RBM47: variants seen among roughly 807,000 people sequenced by gnomAD.
The protein encoded by RBM47 is RNA binding motif protein 47, also known as RNA-binding protein 47.
In RBM47, 21 loss-of-function variants were observed where a neutral mutation model predicts 47.1. The observed-to-expected ratio is 0.45, with a 90% CI of 0.32 to 0.64. RBM47 has a LOEUF of 0.64. Ranked by LOEUF, RBM47 falls within the 30% of genes least tolerant of loss-of-function variation. The pLI is 0.05. For synonymous variants in RBM47, 375 were observed against 361.7 expected (o/e 1.04, Z -0.42); for missense variants, 708 against 870.9 (o/e 0.81, Z 2.35).
At chr4:40,454,961 T>C (rs1409812884) in intron 3 of RBM47, among the ~76,000 whole-genome samples, 1 of 151,990 alleles carries the variant, frequency 6.6e-6, no homozygotes. Context: ...TAGCCAGTGT[T>C]AACAGGATAA....
At chr4:40,557,519 T>C (rs527890710) in intron 1 of RBM47, among the ~76,000 whole-genome samples, 1 of 152,038 alleles carries the variant, frequency 6.6e-6, no homozygotes, top group African/African-American at 2.4e-5. Flanking sequence ...GAGTCTGAGG[T>C]GGGCGGATCA....
Position 40,432,882 on chromosome 4 carries a change from GA to G in RBM47, c.1331-21del. ...TGGCTACTGCAAGAGAAGCAAGAAG[GA>G]AAAACAGGTCAATCACTTTCAGTCG... On this transcript the variant is annotated intron_variant, in intron 5 of 6. Transcript: ENST00000295971. 1 of 1,611,388 alleles carries G rather than the reference GA, an allele frequency of 6.2e-7. No individual in the cohort carries two copies. The highest frequency in any genetic ancestry group is 1.7e-5 in the Admixed American group (1 of 59,048).
intron 2 of RBM47, among the ~76,000 whole-genome samples, chr4:40,495,120 G>A (rs563657797): frequency 2.0e-5 from 3 of 152,064 alleles, no homozygotes; most frequent in East Asian, 3.9e-4. Context: ...AAACTATTTT[G>A]GATTAGGTTT....
chr4:40,508,343 G>C (rs1480076128), intron 2 of RBM47, among the ~76,000 whole-genome samples: 1 of 152,198 alleles, frequency 6.6e-6, no homozygotes, highest in East Asian at 1.9e-4. Context: ...CCCAGAAACA[G>C]ACCTCTTTCC....
chr4:40,503,045 A>C (rs1723607756), intron 2 of RBM47, among the ~76,000 whole-genome samples: 1 of 152,026 alleles, frequency 6.6e-6, no homozygotes, highest in African/African-American at 2.4e-5. Context: ...AAGCCTGGAC[A>C]GACAGAGGAC....
chr4:40,470,999 T>A (rs1471463259), intron 2 of RBM47, among the ~76,000 whole-genome samples: 2 of 152,098 alleles, frequency 1.3e-5, no homozygotes, highest in Non-Finnish European at 2.9e-5. Context: ...CACTTTGGCC[T>A]CCCAAAGTGC....
At chr4:40,480,770 A>G (rs1253735411) in intron 2 of RBM47, among the ~76,000 whole-genome samples, 1 of 152,210 alleles carries the variant, frequency 6.6e-6, no homozygotes, top group African/African-American at 2.4e-5. Flanking sequence ...AGCAAAATGT[A>G]GCATCTGATA....
rs191607025 is a variant in RBM47 at position 40,484,391 on chromosome 4, C to G, written c.-154-17692G>C. Among the ~76,000 whole-genome samples the G allele has an allele frequency of 2.6e-5, 4 of 152,252 alleles. No individual in the cohort carries two copies. The East Asian group carries it at 7.7e-4, about 29-fold the overall frequency. ...ACATTCTGCCAATTCCTTTCTTTTC[C>G]TTTCTTCCTGATTTAGTTCAGCACT... is the stretch of plus-strand genomic sequence containing the variant. On this transcript the variant is annotated intron_variant, in intron 2 of 6. Coordinates refer to ENST00000295971, the MANE Select transcript of RBM47 (RefSeq NM_001098634.2).
chr4:40,607,620 T>C (rs1353661387), intron 1 of RBM47, among the ~76,000 whole-genome samples: 5 of 152,120 alleles, frequency 3.3e-5, no homozygotes, highest in African/African-American at 7.2e-5. Context: ...ATTGGGAGGA[T>C]TGCTTGAGCC....
At position 40,438,712 on chromosome 4, in the gene RBM47, C is replaced by T. The variant is rs1401814559; in HGVS notation, c.182G>A (p.Gly61Asp). Reference sequence around the variant, plus strand: ...ACGCTGCGGGTGCGGGCCCTCCCAGCCGGGCGGTGGGCCGCCGTACTTGCG... The same window carrying T: ...ACGCTGCGGGTGCGGGCCCTCCCAGTCGGGCGGTGGGCCGCCGTACTTGCG... ...GQRKYGGPPP[G>D]WEGPHPQRGC... The change falls in exon 4 of 7, where the codon GGC (glycine) becomes GAC (aspartate). Residue 61 changes from glycine (G) to aspartate (D), a missense_variant. Gly to Asp is a moderately conservative substitution (Grantham distance 94). Coordinates refer to ENST00000295971, the MANE Select transcript of RBM47 (RefSeq NM_001098634.2). 3.2e-5 allele frequency: 52 copies of T among 1,609,134 alleles called. No individual in the cohort carries two copies. The East Asian group carries it at 1.2e-3, about 36-fold the overall frequency.
At chr4:40,428,057 G>A (rs960955447) in intron 6 of RBM47, among the ~76,000 whole-genome samples, 2 of 151,996 alleles carry the variant, frequency 1.3e-5, no homozygotes, top group African/African-American at 2.4e-5. Context: ...CAGCCATGGC[G>A]GTGCGTACTC....
chr4:40,552,972 TTC>T (rs1385853958), intron 1 of RBM47, among the ~76,000 whole-genome samples: 7 of 151,298 alleles, frequency 4.6e-5, no homozygotes, highest in South Asian at 2.1e-4. Context: ...CTTTTCTTTT[TTC>T]TTTTTTTTTT....
chr4:40,542,089 T>C (rs1361972156), intron 2 of RBM47, among the ~76,000 whole-genome samples: 1 of 152,128 alleles, frequency 6.6e-6, no homozygotes, highest in Non-Finnish European at 1.5e-5. Context: ...ATTCAAAGGA[T>C]TAGCAGGGGA....
chr4:40,567,797 A>C (rs1470282338), intron 1 of RBM47, among the ~76,000 whole-genome samples: 1 of 151,986 alleles, frequency 6.6e-6, no homozygotes, highest in Non-Finnish European at 1.5e-5. Flanking sequence ...AATGAAACCC[A>C]ATGCTTCTGT....
chr4:40,559,027 T>C (rs1730366244), intron 1 of RBM47, among the ~76,000 whole-genome samples: 1 of 152,068 alleles, frequency 6.6e-6, no homozygotes, highest in Non-Finnish European at 1.5e-5. Context: ...CCTCCTATGT[T>C]CCAAGCACTG....
Position 40,468,121 on chromosome 4 carries a change from G to T in RBM47, c.-154-1422C>A, listed in dbSNP as rs530942371. Reference sequence around the variant, plus strand: ...GCCAACATGGTGAAACCCTGTTACCGCTAAAAATACAAAAAATTAGCTGGG... The same window carrying T: ...GCCAACATGGTGAAACCCTGTTACCTCTAAAAATACAAAAAATTAGCTGGG... On this transcript the variant is annotated intron_variant, in intron 2 of 6. Coordinates refer to ENST00000295971, the MANE Select transcript of RBM47 (RefSeq NM_001098634.2). Among the ~76,000 whole-genome samples the T allele has an allele frequency of 2.6e-5, 4 of 152,080 alleles. No homozygotes were observed. In the South Asian group the frequency reaches 8.3e-4, roughly 32 times the overall value.
intron 1 of RBM47, among the ~76,000 whole-genome samples, chr4:40,573,204 G>A (rs1731911746): frequency 6.7e-6 from 1 of 148,480 alleles, no homozygotes; most frequent in Non-Finnish European, 1.5e-5. Context: ...CCCTAGTTGA[G>A]AACTGAAGAA....
At chr4:40,465,665 C>T (rs1013826764) in intron 3 of RBM47, among the ~76,000 whole-genome samples, 3 of 150,584 alleles carry the variant, frequency 2.0e-5, no homozygotes, top group African/African-American at 7.4e-5. Context: ...GTCGACAGAG[C>T]GACACTCCAT....
intron 2 of RBM47, among the ~76,000 whole-genome samples, chr4:40,472,915 G>A (rs982355032): frequency 2.6e-5 from 4 of 152,156 alleles, no homozygotes; most frequent in Non-Finnish European, 5.9e-5. Context: ...AAGAGTGCTA[G>A]ACTTGAAATG....
Sources: gnomAD v4.1 joint callset for allele counts (sites outside exome capture counted in the v4.1 genomes callset) on GRCh38, gnomAD v4.1.1 for gene constraint, MANE v1.5 for transcripts, NCBI Gene and HGNC (gene_info 2026-07-23, HGNC 2026-07-21) for gene names.